LYPLAL1: variants seen among roughly 807,000 people sequenced by gnomAD.
LYPLAL1 encodes the protein lysophospholipase-like protein 1.
Under a neutral mutation model 19.7 loss-of-function variants are expected in LYPLAL1, and 23 were observed. The observed-to-expected ratio is 1.17, with a 90% CI of 0.84 to 1.65. The LOEUF (loss-of-function observed/expected upper bound fraction) is 1.65. Among genes scored for constraint, LYPLAL1 ranks in the 40% most tolerant of loss-of-function variants. The pLI is 0.00. For synonymous variants in LYPLAL1, 119 were observed against 96.3 expected (o/e 1.24, Z -1.38); for missense variants, 355 against 279.4 (o/e 1.27, Z -1.93).
intron 2 of LYPLAL1, among the ~76,000 whole-genome samples, chr1:219,192,433 A>G (rs565590503): frequency 6.6e-6 from 1 of 151,682 alleles, no homozygotes; most frequent in East Asian, 1.9e-4. Context: ...TACTATAGGC[A>G]CTTTTGTCAC....
the LYPLAL1 span, among the ~76,000 whole-genome samples, chr1:219,339,502 A>T: frequency 6.6e-6 from 1 of 152,120 alleles, no homozygotes; most frequent in Non-Finnish European, 1.5e-5. Context: ...AAACTTTTGC[A>T]TACACAATTT....
chr1:219,323,228 A>G, the LYPLAL1 span, among the ~76,000 whole-genome samples: 4 of 152,224 alleles, frequency 2.6e-5, no homozygotes, highest in African/African-American at 7.2e-5. Context: ...AGGTTAGGTC[A>G]GTTATGGAAT....
At chr1:219,274,898 T>C in the LYPLAL1 span, among the ~76,000 whole-genome samples, 1 of 152,180 alleles carries the variant, frequency 6.6e-6, no homozygotes, top group Non-Finnish European at 1.5e-5. Flanking sequence ...TTACTACTAA[T>C]TATTATTATA....
chr1:219,403,198 GTT>G, the LYPLAL1 span, among the ~76,000 whole-genome samples: 3 of 152,200 alleles, frequency 2.0e-5, no homozygotes, highest in Non-Finnish European at 2.9e-5. Context: ...GCACATGCCA[GTT>G]TTTGGGTTAA....
At chr1:219,178,471 A>G (rs1222973264) in intron 1 of LYPLAL1, among the ~76,000 whole-genome samples, 1 of 152,226 alleles carries the variant, frequency 6.6e-6, no homozygotes, top group Non-Finnish European at 1.5e-5. Flanking sequence ...TGATTAAAAA[A>G]TTAAAGTTGT....
the LYPLAL1 span, among the ~76,000 whole-genome samples, chr1:219,265,607 A>G: frequency 6.6e-6 from 1 of 152,164 alleles, no homozygotes; most frequent in South Asian, 2.1e-4. Flanking sequence ...ATAATCATAC[A>G]TTTCTATTGT....
At chr1:219,249,593 T>C in the LYPLAL1 span, among the ~76,000 whole-genome samples, 1 of 152,034 alleles carries the variant, frequency 6.6e-6, no homozygotes, top group East Asian at 1.9e-4. Flanking sequence ...GGCTATACAA[T>C]AAAATATCAA....
the LYPLAL1 span, among the ~76,000 whole-genome samples, chr1:219,227,663 T>A: frequency 6.6e-6 from 1 of 152,122 alleles, no homozygotes; most frequent in Non-Finnish European, 1.5e-5. Flanking sequence ...AAAAAAAAAT[T>A]GAAAAATGAC....
chr1:219,331,737 C>T, the LYPLAL1 span, among the ~76,000 whole-genome samples: 1 of 152,144 alleles, frequency 6.6e-6, no homozygotes, highest in African/African-American at 2.4e-5. Flanking sequence ...ATCTATCACA[C>T]TGTCAAATGT....
chr1:219,199,609 AT>A (rs11339533), intron 3 of LYPLAL1, among the ~76,000 whole-genome samples: 63,511 of 143,324 alleles, frequency 0.44, 14,350 homozygotes, highest in East Asian at 0.65. Flanking sequence ...CGCCCGGCTA[AT>A]TTTTTTTTTT....
chr1:219,326,006 G>C, the LYPLAL1 span, among the ~76,000 whole-genome samples: 3 of 152,068 alleles, frequency 2.0e-5, 1 homozygote, highest in South Asian at 6.2e-4. Context: ...TCCACCTCCT[G>C]GGTTCAAGTG....
chr1:219,443,603 A>G, the LYPLAL1 span, among the ~76,000 whole-genome samples: 4 of 152,188 alleles, frequency 2.6e-5, no homozygotes, highest in Admixed American at 1.3e-4. Flanking sequence ...GAAAGAACAC[A>G]TAACGAAAAT....
At chr1:219,370,887 A>G in the LYPLAL1 span, among the ~76,000 whole-genome samples, 3 of 152,162 alleles carry the variant, frequency 2.0e-5, no homozygotes, top group South Asian at 2.1e-4. Flanking sequence ...TAGAGCACCA[A>G]TAAAGGAGAT....
At chr1:219,255,618 C>G in the LYPLAL1 span, among the ~76,000 whole-genome samples, 1 of 151,776 alleles carries the variant, frequency 6.6e-6, no homozygotes, top group African/African-American at 2.4e-5. Context: ...TCTAAATGGG[C>G]CCCTCGTGCA....
chr1:219,291,440 T>A, the LYPLAL1 span, among the ~76,000 whole-genome samples: 2 of 150,860 alleles, frequency 1.3e-5, no homozygotes, highest in African/African-American at 4.9e-5. Flanking sequence ...GAATCTTCTC[T>A]ACAATCTACT....
chr1:219,275,956 T>C, the LYPLAL1 span, among the ~76,000 whole-genome samples: 1 of 152,198 alleles, frequency 6.6e-6, no homozygotes, highest in Non-Finnish European at 1.5e-5. Flanking sequence ...TTCCAGAGAA[T>C]TGGAGCAAAC....
At chr1:219,335,356 A>G in the LYPLAL1 span, among the ~76,000 whole-genome samples, 3 of 151,934 alleles carry the variant, frequency 2.0e-5, no homozygotes, top group African/African-American at 7.2e-5. Flanking sequence ...ATCAGGACCT[A>G]CTTCAAAAAG....
chr1:219,296,418 G>T, the LYPLAL1 span, among the ~76,000 whole-genome samples: 1 of 152,130 alleles, frequency 6.6e-6, no homozygotes, highest in South Asian at 2.1e-4. Flanking sequence ...GAGACAAAGG[G>T]TAAGGAAGGT....
intron 2 of LYPLAL1, among the ~76,000 whole-genome samples, chr1:219,179,577 T>A (rs917887442): frequency 5.9e-5 from 9 of 152,224 alleles, no homozygotes; most frequent in Admixed American, 3.3e-4. Flanking sequence ...AAAAGGAAAC[T>A]TAATAACTCC....
Sources: gnomAD v4.1 joint callset for allele counts (sites outside exome capture counted in the v4.1 genomes callset) on GRCh38, gnomAD v4.1.1 for gene constraint, MANE v1.5 for transcripts, NCBI Gene and HGNC (gene_info 2026-07-23, HGNC 2026-07-21) for gene names.